The following HDGFL2 variants were observed in gnomAD, a reference collection of about 807,000 sequenced individuals.
HDGFL2 encodes hepatoma-derived growth factor-related protein 2.
Under a neutral mutation model 77.1 loss-of-function variants are expected in HDGFL2, and 36 were observed. That is an observed-to-expected ratio of 0.47 (90% CI 0.36 to 0.62). The LOEUF (loss-of-function observed/expected upper bound fraction) is 0.62, where lower values mean the gene tolerates loss of function less well. HDGFL2 is among the 20% of genes least tolerant of loss of function. HDGFL2 has a pLI of 0.00. For missense variants in HDGFL2, 976 were observed against 973.4 expected (o/e 1.00, Z -0.04); for synonymous variants, 463 against 413.1 (o/e 1.12, Z -1.46).
intron 9 of HDGFL2, among the ~76,000 whole-genome samples, chr19:4,494,835 G>C (rs1320079525): frequency 6.6e-6 from 1 of 152,118 alleles, no homozygotes; most frequent in East Asian, 1.9e-4. Context: ...CAGGAGGATT[G>C]CTTGAGCCCA....
chr19:4,493,734 A>G lies in HDGFL2; in HGVS notation c.710A>G (p.Lys237Arg). 1.3e-6 allele frequency: 2 copies of G among 1,507,466 alleles called. No homozygotes were observed. Among genetic ancestry groups the G allele is most frequent in the South Asian group, 1.3e-5 (1 of 79,246 alleles). 93.4% of individuals were successfully genotyped at this position (1,507,466 alleles called of 1,614,324 possible). A position where few individuals can be genotyped will look rare whatever the true frequency, so the allele number is the denominator to read the frequency against. ...KAPSASDSDS[K>R]ADSDGAKPEP... ...CCATCAGCCTCCGACTCCGACTCCAAGGCCGATTCGGACGGGGCCAAGCCT... is the reference window on the plus strand; with the variant it reads ...CCATCAGCCTCCGACTCCGACTCCAGGGCCGATTCGGACGGGGCCAAGCCT... Residue 237 changes from lysine to arginine, a missense_variant, in exon 7 of 16, where the codon AAG becomes AGG. Lys to Arg is a conservative substitution (Grantham distance 26). Transcript: ENST00000616600.
chr19:4,490,326 C>T (rs904234667), intron 4 of HDGFL2, among the ~76,000 whole-genome samples: 1 of 152,202 alleles, frequency 6.6e-6, no homozygotes, highest in African/African-American at 2.4e-5. Context: ...ACCTCCTGAT[C>T]AGCCTGCCTC....
chr19:4,492,882 G>GTTGCC (rs1975563829), intron 6 of HDGFL2, among the ~76,000 whole-genome samples: 10 of 116,158 alleles, frequency 8.6e-5, no homozygotes, highest in African/African-American at 2.7e-4. Context: ...GTGGTGTGGT[G>GTTGCC]TGTGTTATCT....
intron 3 of HDGFL2, among the ~76,000 whole-genome samples, chr19:4,487,717 C>G (rs1416104104): frequency 6.6e-6 from 1 of 152,186 alleles, no homozygotes; most frequent in African/African-American, 2.4e-5. Flanking sequence ...TCTTGATGCC[C>G]CCGGCCCAGT....
rs1200825834 is a variant in HDGFL2, at chr19:4,502,083, A to C, written c.*73A>C. 2 of 1,076,754 alleles carry C rather than the reference A, an allele frequency of 1.9e-6. No homozygotes were observed. The highest frequency in any genetic ancestry group is 1.6e-5 in the African/African-American group (1 of 64,246). 66.7% of individuals were successfully genotyped at this position (1,076,754 alleles called of 1,614,324 possible). A position where few individuals can be genotyped will look rare whatever the true frequency, so the allele number is the denominator to read the frequency against. On this transcript the variant is annotated 3_prime_UTR_variant, in exon 16 of 16. Transcript: ENST00000616600. ...CTCCTTCCCCGGCTCGCAGGAGAGCAGAGCAGAGAACTGTGGGGAACGCTG... is the reference window on the plus strand; with the variant it reads ...CTCCTTCCCCGGCTCGCAGGAGAGCCGAGCAGAGAACTGTGGGGAACGCTG...
At chr19:4,484,893 G>A (rs945938970) in intron 3 of HDGFL2, among the ~76,000 whole-genome samples, 1 of 151,660 alleles carries the variant, frequency 6.6e-6, no homozygotes, top group Non-Finnish European at 1.5e-5. Flanking sequence ...GGATGGTCTC[G>A]ATCTCCTGAC....
chr19:4,502,042 A>G lies in HDGFL2; in HGVS notation c.*32A>G, dbSNP rs1975918024. 6.8e-7 allele frequency: 1 copy of G among 1,461,776 alleles called. No individual in the cohort carries two copies. The highest frequency in any genetic ancestry group is 9.3e-7 in the Non-Finnish European group (1 of 1,079,860). 90.6% of individuals were successfully genotyped at this position (1,461,776 alleles called of 1,614,324 possible). On this transcript the variant is annotated 3_prime_UTR_variant, in exon 16 of 16. Transcript: ENST00000616600. Reference sequence around the variant, plus strand: ...GGCAGCCAGGCCCAGCCCCCGCCCGAGCTCAGGCTGCCCCTCTCCTTCCCC... The same window carrying G: ...GGCAGCCAGGCCCAGCCCCCGCCCGGGCTCAGGCTGCCCCTCTCCTTCCCC...
At position 4,487,360 on chromosome 19, in the gene HDGFL2, G is replaced by A. The variant is rs143326998; in HGVS notation, c.289-1316G>A. The stretch of plus-strand genomic sequence containing the variant: ...AAACCTCTGCCTCCTAGGCTCAAGC[G>A]ATCCTCCTGCCTCAGCCCCTTAAGC... On this transcript the variant is annotated intron_variant, in intron 3 of 15. Coordinates refer to ENST00000616600, the MANE Select transcript of HDGFL2 (RefSeq NM_001001520.3). Among the ~76,000 whole-genome samples, 285 of 152,046 alleles carry A rather than the reference G, an allele frequency of 1.9e-3. 1 individual carries two copies. Among genetic ancestry groups the A allele is most frequent in the African/African-American group, 5.7e-3 (235 of 41,444 alleles).
chr19:4,475,042 G>A (rs1975036055), intron 1 of HDGFL2: 3 of 546,180 alleles, frequency 5.5e-6, no homozygotes, highest in South Asian at 2.1e-5. Context: ...TGGAGCACCT[G>A]CCCTGGGGCC....
intron 3 of HDGFL2, among the ~76,000 whole-genome samples, chr19:4,486,729 G>C (rs540166181): frequency 5.3e-5 from 8 of 152,038 alleles, no homozygotes; most frequent in Admixed American, 2.6e-4. Flanking sequence ...ACAAGCATGA[G>C]CCACCCACGG....
intron 4 of HDGFL2, among the ~76,000 whole-genome samples, chr19:4,489,628 T>C (rs1975456492): frequency 6.6e-6 from 1 of 152,018 alleles, no homozygotes; most frequent in Non-Finnish European, 1.5e-5. Context: ...GGTCTTGATC[T>C]CCTGACCTCA....
At chr19:4,491,246 ACCACCCACCCCCCCAC>A (rs1568211724) in intron 4 of HDGFL2, among the ~76,000 whole-genome samples, 23 of 27,214 alleles carry the variant, frequency 8.5e-4, no homozygotes, top group Non-Finnish European at 1.2e-3. Context: ...ACTCACTCCC[ACCACCCACCCCCCCAC>A]CCCCCCACCC....
intron 3 of HDGFL2, among the ~76,000 whole-genome samples, chr19:4,487,834 C>T (rs1641639331): frequency 2.6e-5 from 4 of 151,936 alleles, no homozygotes; most frequent in Non-Finnish European, 4.4e-5. Context: ...CTGTGGCTGT[C>T]ACTGCCTGAG....
chr19:4,491,619 C>T lies in HDGFL2; in HGVS notation c.543C>T (p.Ser181=), dbSNP rs766834656. ...RKASSDLDQA[S]VSPSEEENSE... ...CCTCCAGCGACCTGGATCAGGCCAG[C>T]GTGTCCCCATCCGAAGAGGAGAACT... The change falls in exon 5 of 16, where the codon AGC becomes AGT. Residue 181 remains serine, a synonymous_variant. Coordinates refer to ENST00000616600, the MANE Select transcript of HDGFL2 (RefSeq NM_001001520.3). 5 of 1,613,836 alleles carry T rather than the reference C, an allele frequency of 3.1e-6. No homozygotes were observed. Among genetic ancestry groups the T allele is most frequent in the African/African-American group, 1.3e-5 (1 of 74,898 alleles).
chr19:4,488,385 C>T (rs1484350188), intron 3 of HDGFL2, among the ~76,000 whole-genome samples: 1 of 152,198 alleles, frequency 6.6e-6, no homozygotes, highest in Admixed American at 6.5e-5. Flanking sequence ...GAGCCATCCC[C>T]ATTGCCCAGA....
intron 10 of HDGFL2, 198 bp from the exon 11 acceptor site, chr19:4,497,760 C>G: frequency 1.7e-6 from 1 of 582,092 alleles, no homozygotes; most frequent in Non-Finnish European, 3.0e-6. Context: ...CTTTGGGCAG[C>G]TCGAGCCTGT....
rs777480030 is a variant in HDGFL2 at position 4,496,325 on chromosome 19, G to T, written c.1248G>T (p.Pro416=). ...EREAKKSAKK[P]QSSSTEPARK... is the part of the protein sequence containing the mutation. ...AGGCCAAGAAATCAGCGAAGAAGCC[G>T]CAGTCCTCAAGCACAGAGCCCGCCA... is the stretch of plus-strand genomic sequence containing the variant. Residue 416 remains proline (P), a synonymous_variant, in exon 10 of 16, where the codon CCG becomes CCT. Transcript: ENST00000616600. The T allele has an allele frequency of 1.9e-6, 3 of 1,614,118 alleles. No individual in the cohort carries two copies. Among genetic ancestry groups the T allele is most frequent in the Non-Finnish European group, 2.5e-6 (3 of 1,179,984 alleles).
intron 1 of HDGFL2, among the ~76,000 whole-genome samples, chr19:4,473,102 TG>T (rs1320323043): frequency 7.0e-6 from 1 of 142,246 alleles, no homozygotes; most frequent in African/African-American, 2.7e-5. Flanking sequence ...GCCGACGGTC[TG>T]GGGGTCCCGG....
intron 6 of HDGFL2, among the ~76,000 whole-genome samples, chr19:4,493,042 G>A (rs866575748): frequency 8.8e-6 from 1 of 114,236 alleles, no homozygotes; most frequent in Non-Finnish European, 1.8e-5. Flanking sequence ...GTGGTGTGTG[G>A]TATCTGTGTG....
Sources: gnomAD v4.1 joint callset for allele counts (sites outside exome capture counted in the v4.1 genomes callset) on GRCh38, gnomAD v4.1.1 for gene constraint, MANE v1.5 for transcripts, NCBI Gene and HGNC (gene_info 2026-07-23, HGNC 2026-07-21) for gene names.